OGDH: variants seen among roughly 807,000 people sequenced by gnomAD.
OGDH encodes 2-oxoglutarate dehydrogenase complex component E1.
A neutral mutation model predicts 116.6 loss-of-function variants in OGDH; 38 were observed. That is an observed-to-expected ratio of 0.33 (90% CI 0.25 to 0.43). The LOEUF is 0.43. OGDH is among the 20% of genes least tolerant of loss of function. The pLI is 1.00. For synonymous variants in OGDH, 488 were observed against 533.3 expected (o/e 0.92, Z 1.17); for missense variants, 825 against 1,357.2 (o/e 0.61, Z 6.16).
chr7:44,700,157 A>G lies in OGDH; in HGVS notation c.2447A>G (p.Asn816Ser), dbSNP rs753660894. 76 of 1,614,046 alleles carry G rather than the reference A, an allele frequency of 4.7e-5. No individual in the cohort carries two copies. Among genetic ancestry groups the G allele is most frequent in the East Asian group, 1.8e-4 (8 of 44,902 alleles). The change falls in exon 19 of 23, where the codon AAC becomes AGC. Residue 816 changes from asparagine to serine, a missense_variant. Around this residue, in one of 7 missense-constraint regions of OGDH, gnomAD observed 212 missense variants for 284.3 expected, o/e 0.75. Coordinates refer to ENST00000222673, the MANE Select transcript of OGDH (RefSeq NM_002541.4). Reference protein sequence around the residue: ...PDVLPDLKEANFDINQLYDCN... With the variant: ...PDVLPDLKEASFDINQLYDCN... ...CTGCTGCAGGACCTTAAAGAAGCCA[A>G]CTTCGACATCAATCAGCTATATGAC...
In OGDH at chr7:44,697,735, C is replaced by T. The variant is rs1476057637; in HGVS notation, c.2311C>T (p.Arg771Trp). 6 of 1,614,060 alleles carry T rather than the reference C, an allele frequency of 3.7e-6. No individual in the cohort carries two copies. The highest frequency in any genetic ancestry group is 2.7e-5 in the African/African-American group (2 of 74,938). ...CTGCCCGGGACAAGCCAAGTGGGTG[C>T]GGCAGAATGGCATCGTGTTGCTGCT... ...FICPGQAKWVRQNGIVLLLPH... is the reference protein window; with the variant it reads ...FICPGQAKWVWQNGIVLLLPH... Residue 771 changes from arginine to tryptophan, a missense_variant, in exon 17 of 23, where the codon CGG (arginine) becomes TGG (tryptophan). Arg to Trp is a moderately radical substitution (Grantham distance 101, BLOSUM62 -3). Around this residue, in one of 7 missense-constraint regions of OGDH, gnomAD observed 73 missense variants for 182.3 expected, o/e 0.40. Coordinates refer to ENST00000222673, the MANE Select transcript of OGDH (RefSeq NM_002541.4). The surrounding 1 kb of genome is among the most constrained non-coding windows in gnomAD (Gnocchi z 6.0).
intron 10 of OGDH, among the ~76,000 whole-genome samples, chr7:44,693,537 T>G (rs1788453999): frequency 6.6e-6 from 1 of 152,180 alleles, no homozygotes; most frequent in Non-Finnish European, 1.5e-5. Context: ...GAAAATAATC[T>G]GGAAAGGAAA....
chr7:44,671,213 A>AG (rs1787435189), intron 5 of OGDH, among the ~76,000 whole-genome samples: 1 of 152,048 alleles, frequency 6.6e-6, no homozygotes, highest in Admixed American at 6.5e-5. Context: ...TGGAAGGCAG[A>AG]GGGGAGCCTG....
intron 20 of OGDH, among the ~76,000 whole-genome samples, chr7:44,704,281 T>G (rs1788969222): frequency 6.6e-6 from 1 of 152,236 alleles, no homozygotes; most frequent in African/African-American, 2.4e-5. Flanking sequence ...GTGGCTTTGA[T>G]TTATATTTCT....
rs1788609841 is a variant in OGDH at position 44,697,016 on chromosome 7, G to A, written c.2003G>A (p.Gly668Asp). Residue 668 changes from glycine to aspartate, a missense_variant, in exon 15 of 23, where the codon GGC (glycine) becomes GAC (aspartate). Physicochemically the swap from Gly to Asp is moderately conservative, Grantham distance 94. Around this residue, in one of 7 missense-constraint regions of OGDH, gnomAD observed 92 missense variants for 129.7 expected, o/e 0.71. Transcript: ENST00000222673. The surrounding 1 kb of genome is among the most constrained non-coding windows in gnomAD (Gnocchi z 6.0). ...GCGTTTGGCTCGCTCCTGAAGGAGG[G>A]CATCCACATTCGGCTGAGCGGCCAG... Reference protein sequence around the residue: ...YMAFGSLLKEGIHIRLSGQDV... With the variant: ...YMAFGSLLKEDIHIRLSGQDV... 1 of 1,614,118 alleles carries A rather than the reference G, an allele frequency of 6.2e-7. No individual in the cohort carries two copies. The highest frequency in any genetic ancestry group is 8.5e-7 in the Non-Finnish European group (1 of 1,180,038).
chr7:44,634,446 A>T (rs1241531074), intron 2 of OGDH, among the ~76,000 whole-genome samples: 1 of 152,170 alleles, frequency 6.6e-6, no homozygotes, highest in African/African-American at 2.4e-5. Context: ...ATCCCAGCAA[A>T]TATCATTCTG....
At chr7:44,623,344 C>T (rs969289332) in intron 1 of OGDH, among the ~76,000 whole-genome samples, 3 of 152,172 alleles carry the variant, frequency 2.0e-5, no homozygotes, top group African/African-American at 4.8e-5. Context: ...CTCTCAAGTA[C>T]TCATATTTCC....
At chr7:44,641,207 TTC>T (rs1418342071) in intron 2 of OGDH, among the ~76,000 whole-genome samples, 3 of 126,868 alleles carry the variant, frequency 2.4e-5, no homozygotes, top group African/African-American at 7.6e-5. Context: ...AGCCTTTTTC[TTC>T]TTTTTTTTTT....
chr7:44,611,435 A>T (rs1562605483), intron 1 of OGDH, among the ~76,000 whole-genome samples: 1 of 145,416 alleles, frequency 6.9e-6, no homozygotes, highest in African/African-American at 2.5e-5. Context: ...TGCCCGGCTA[A>T]TTTTTTTTTT....
intron 20 of OGDH, among the ~76,000 whole-genome samples, chr7:44,705,725 A>G (rs1789041665): frequency 6.6e-6 from 1 of 152,078 alleles, no homozygotes; most frequent in South Asian, 2.1e-4. Context: ...TGTATCATAA[A>G]TGGAATTGTT....
chr7:44,635,865 C>T (rs1785646783), intron 2 of OGDH, among the ~76,000 whole-genome samples: 1 of 152,002 alleles, frequency 6.6e-6, no homozygotes. Flanking sequence ...CCACCACGCC[C>T]AGCTAATTTT....
At chr7:44,687,340 C>G (rs1341916190) in intron 10 of OGDH, among the ~76,000 whole-genome samples, 1 of 151,606 alleles carries the variant, frequency 6.6e-6, no homozygotes, top group Non-Finnish European at 1.5e-5. Context: ...TCAAGTGATC[C>G]GCCTGCCTTG....
chr7:44,696,899 G>A lies in OGDH; in HGVS notation c.1901-15G>A. 6.3e-7 allele frequency: 1 copy of A among 1,597,542 alleles called. No homozygotes were observed. Among genetic ancestry groups the A allele is most frequent in the Non-Finnish European group, 8.5e-7 (1 of 1,170,056 alleles). On this transcript the variant is annotated splice_polypyrimidine_tract_variant and intron_variant, in intron 14 of 22. Coordinates refer to ENST00000222673, the MANE Select transcript of OGDH (RefSeq NM_002541.4). ...GCAGGGCCTGCAGCAGCTGGTGAGA[G>A]CTGTGTCTCTGCAGGGCTGAGCCGG...
chr7:44,634,904 A>C (rs1269052330), intron 2 of OGDH, among the ~76,000 whole-genome samples: 1 of 152,246 alleles, frequency 6.6e-6, no homozygotes, highest in African/African-American at 2.4e-5. Context: ...GGAGGTGGGC[A>C]TTCCATCCAC....
In OGDH at chr7:44,624,173, GTTTTGT is replaced by G. The variant is rs1333416583; in HGVS notation, c.-27-127_-27-122del. On this transcript the variant is annotated intron_variant, in intron 1 of 22. Transcript: ENST00000222673. ...CTCCTCAACAATTAGAGTTGAACAT[GTTTTGT>G]TTTTGTTTTTGTTTTTCTAGTAGCT... 5 of 622,866 alleles carry G rather than the reference GTTTTGT, an allele frequency of 8.0e-6. No individual in the cohort carries two copies. In the East Asian group the frequency reaches 8.2e-5, roughly 10 times the overall value. 38.6% of individuals were successfully genotyped at this position (622,866 alleles called of 1,614,324 possible).
At chr7:44,651,049 T>C (rs1200146553) in intron 4 of OGDH, among the ~76,000 whole-genome samples, 1 of 152,168 alleles carries the variant, frequency 6.6e-6, no homozygotes, top group Non-Finnish European at 1.5e-5. Context: ...TTCTGTCTTT[T>C]GTTGGAAAAG....
chr7:44,629,575 C>CTTTTTTTTT (rs1037295168), intron 2 of OGDH, among the ~76,000 whole-genome samples: 2 of 134,434 alleles, frequency 1.5e-5, no homozygotes, highest in Non-Finnish European at 1.6e-5. Context: ...TTTTCTTTTT[C>CTTTTTTTTT]TTTTCTTTTT....
At chr7:44,610,091 AG>A (rs1025476131) in intron 1 of OGDH, among the ~76,000 whole-genome samples, 7 of 151,960 alleles carry the variant, frequency 4.6e-5, no homozygotes, top group African/African-American at 1.7e-4. Context: ...CTAGGATTTC[AG>A]GCATGAGCCA....
intron 1 of OGDH, among the ~76,000 whole-genome samples, chr7:44,620,603 A>T (rs949666725): frequency 1.3e-5 from 2 of 152,236 alleles, no homozygotes; most frequent in African/African-American, 4.8e-5. Flanking sequence ...TCCCTGCTGA[A>T]TGGAGTTGGC....
Sources: gnomAD v4.1 joint callset for allele counts (sites outside exome capture counted in the v4.1 genomes callset) on GRCh38, gnomAD v4.1.1 for gene constraint, gnomAD v4.1.1 regional missense constraint, Gnocchi (gnomAD v3.1) non-coding constraint, MANE v1.5 for transcripts, NCBI Gene and HGNC (gene_info 2026-07-23, HGNC 2026-07-21) for gene names.